NFAT5: variants seen among roughly 807,000 people sequenced by gnomAD.
NFAT5 encodes nuclear factor of activated T-cells 5.
Under a neutral mutation model 166.5 loss-of-function variants are expected in NFAT5, and 31 were observed. The ratio of observed to expected loss-of-function variants is 0.19; its 90% CI spans 0.14 to 0.25. NFAT5 has a LOEUF of 0.25. Among genes scored for constraint, NFAT5 ranks in the 10% least tolerant of loss-of-function variants. NFAT5 has a pLI of 1.00. For missense variants in NFAT5, 1,449 were observed against 1,821.8 expected, an observed-to-expected ratio of 0.80 and a Z score of 3.72; for synonymous variants, 612 against 639.7, an observed-to-expected ratio of 0.96 and a Z score of 0.65.
At chr16:69,613,206 C>T (rs879721625) in intron 2 of NFAT5, among the ~76,000 whole-genome samples, 4 of 152,156 alleles carry the variant, frequency 2.6e-5, no homozygotes, top group Non-Finnish European at 5.9e-5. Flanking sequence ...GCTTTAAATT[C>T]GTAGCCTATT....
intron 7 of NFAT5, among the ~76,000 whole-genome samples, chr16:69,663,210 A>C (rs1301455161): frequency 1.3e-5 from 2 of 152,148 alleles, no homozygotes. Context: ...AGTGGAAAGA[A>C]TTTCTAATAT....
intron 2 of NFAT5, among the ~76,000 whole-genome samples, chr16:69,579,567 T>G (rs2031534133): frequency 1.3e-5 from 2 of 152,158 alleles, no homozygotes; most frequent in African/African-American, 4.8e-5. Context: ...CAGTGTAAAC[T>G]ATGGTAAATA....
intron 3 of NFAT5, among the ~76,000 whole-genome samples, chr16:69,643,436 A>C (rs1214139109): frequency 2.1e-5 from 3 of 142,640 alleles, no homozygotes; most frequent in Non-Finnish European, 4.6e-5. Context: ...ATATTTTAAT[A>C]GGATATTAAG....
intron 10 of NFAT5, among the ~76,000 whole-genome samples, chr16:69,681,465 C>A: frequency 6.6e-6 from 1 of 152,176 alleles, no homozygotes; most frequent in East Asian, 1.9e-4. Flanking sequence ...GAGTTCTAAG[C>A]TGGGCTATGG....
chr16:69,621,237 T>G (rs1483977078), intron 2 of NFAT5, among the ~76,000 whole-genome samples: 3 of 151,654 alleles, frequency 2.0e-5, no homozygotes. Context: ...GTGCTTCTTC[T>G]ATTACTCTCT....
chr16:69,675,363 T>C (rs764261865), intron 9 of NFAT5, among the ~76,000 whole-genome samples: 1 of 152,194 alleles, frequency 6.6e-6, no homozygotes, highest in Non-Finnish European at 1.5e-5. Context: ...TAACTCTAGA[T>C]AGACTGTTTC....
intron 6 of NFAT5, among the ~76,000 whole-genome samples, chr16:69,659,392 G>A (rs924959756): frequency 1.3e-5 from 2 of 151,746 alleles, no homozygotes; most frequent in South Asian, 2.1e-4. Flanking sequence ...GCAGTGAGCC[G>A]AGATCACGCC....
chr16:69,568,280 A>G (rs1381401302), intron 1 of NFAT5, among the ~76,000 whole-genome samples: 2 of 151,810 alleles, frequency 1.3e-5, no homozygotes, highest in African/African-American at 2.4e-5. Context: ...AGATCGCACC[A>G]TTGCACTCCA....
At chr16:69,662,912 A>G (rs905145101) in intron 7 of NFAT5, among the ~76,000 whole-genome samples, 1 of 152,174 alleles carries the variant, frequency 6.6e-6, no homozygotes, top group Non-Finnish European at 1.5e-5. Flanking sequence ...TCTACAGTAA[A>G]ACACAGGACC....
rs146252475 is a variant in NFAT5, at chr16:69,671,744, G to A, written c.1557+1456G>A. On this transcript the variant is annotated intron_variant, in intron 9 of 14. Coordinates refer to ENST00000349945, the MANE Select transcript of NFAT5 (RefSeq NM_138713.4). ...GGAGAGATGCATAACACAAGGTCTC[G>A]GAGTGTCCCAGGCACTAACCTTCTG... Among the ~76,000 whole-genome samples the A allele has an allele frequency of 1.1e-4, 17 of 152,304 alleles. No homozygotes were observed. The East Asian group carries it at 2.1e-3, about 19-fold the overall frequency.
chr16:69,638,689 T>C (rs997867035), intron 3 of NFAT5, among the ~76,000 whole-genome samples: 2 of 149,844 alleles, frequency 1.3e-5, no homozygotes, highest in Non-Finnish European at 2.9e-5. Context: ...TAAGCTGAGA[T>C]TGCACCACTG....
intron 2 of NFAT5, among the ~76,000 whole-genome samples, chr16:69,578,635 A>G (rs759399928): frequency 6.6e-6 from 1 of 152,206 alleles, no homozygotes; most frequent in Non-Finnish European, 1.5e-5. Flanking sequence ...ACAAATAGCT[A>G]TCCTTTACAA....
intron 13 of NFAT5, among the ~76,000 whole-genome samples, 173 bp downstream of exon 13, chr16:69,694,412 G>A (rs1021250546): frequency 3.9e-5 from 6 of 152,074 alleles, no homozygotes; most frequent in Non-Finnish European, 7.4e-5. Context: ...GCACAACCAC[G>A]CCCAGCTAAT....
Position 69,621,253 on chromosome 16 carries a change from T to TA in NFAT5, c.128-5137dup, listed in dbSNP as rs74847444. On this transcript the variant is annotated intron_variant, in intron 2 of 14. Coordinates refer to ENST00000349945, the MANE Select transcript of NFAT5 (RefSeq NM_138713.4). ...TGCTTCTTCTATTACTCTCTTCCTT[T>TA]AAAAAAAAAAAAACAGCTTTATTGA... 4.6e-3 allele frequency among the ~76,000 whole-genome samples: 661 copies of TA among 143,722 alleles called. 5 individuals carry two copies. The South Asian group carries it at 0.057, about 12-fold the overall frequency. The allele number at this position is 143,722 out of a possible 152,430, so 94.3% of individuals were successfully genotyped here.
intron 4 of NFAT5, among the ~76,000 whole-genome samples, chr16:69,651,336 A>G (rs750832568): frequency 3.9e-5 from 6 of 152,180 alleles, no homozygotes; most frequent in East Asian, 1.9e-4. Context: ...TGCTAGTTTC[A>G]TTCCTTCTTT....
chr16:69,671,654 C>G (rs141823191), intron 9 of NFAT5, among the ~76,000 whole-genome samples: 1 of 152,184 alleles, frequency 6.6e-6, no homozygotes, highest in Non-Finnish European at 1.5e-5. Flanking sequence ...CAGGTGTGAA[C>G]CACTGTGCCT....
chr16:69,610,217 G>A (rs1416565129), intron 2 of NFAT5, among the ~76,000 whole-genome samples: 2 of 152,172 alleles, frequency 1.3e-5, no homozygotes, highest in Admixed American at 6.5e-5. Context: ...GTGGAAGTTG[G>A]AAGATAGGAC....
chr16:69,593,123 C>T (rs1346424072), intron 2 of NFAT5, among the ~76,000 whole-genome samples: 2 of 152,110 alleles, frequency 1.3e-5, no homozygotes, highest in African/African-American at 4.8e-5. Context: ...TATACATACT[C>T]TTACTAACTA....
At chr16:69,574,272 G>A (rs1475766857) in intron 2 of NFAT5, among the ~76,000 whole-genome samples, 2 of 152,128 alleles carry the variant, frequency 1.3e-5, no homozygotes, top group African/African-American at 4.8e-5. Flanking sequence ...CAGTGGCATA[G>A]GATATAGACC....
Sources: gnomAD v4.1 joint callset for allele counts (sites outside exome capture counted in the v4.1 genomes callset) on GRCh38, gnomAD v4.1.1 for gene constraint, MANE v1.5 for transcripts, NCBI Gene and HGNC (gene_info 2026-07-23, HGNC 2026-07-21) for gene names.